The following DMBT1 variants were observed in gnomAD, a reference collection of about 807,000 sequenced individuals.
DMBT1 encodes the protein scavenger receptor cysteine-rich domain-containing protein DMBT1.
DMBT1 carries 198 observed loss-of-function variants against 252.9 expected under a neutral mutation model. That is an observed-to-expected ratio of 0.78 (90% CI 0.70 to 0.88). DMBT1 has a LOEUF of 0.88. Among genes scored for constraint, DMBT1 ranks in the 40% least tolerant of loss-of-function variants. DMBT1 has a pLI of 0.00. For synonymous variants in DMBT1, 990 were observed against 942.7 expected (o/e 1.05, Z -0.92); for missense variants, 2,432 against 2,404.7 (o/e 1.01, Z -0.24).
In DMBT1 at chr10:122,587,334, G is replaced by T. The variant is rs564354236; in HGVS notation, c.1783+951G>T. 1.6e-3 allele frequency among the ~76,000 whole-genome samples: 243 copies of T among 148,678 alleles called. 27 individuals carry two copies. Among genetic ancestry groups the T allele is most frequent in the Non-Finnish European group, 1.9e-3 (124 of 66,714 alleles). ...GGCATCAGACCGGAAACACAAGGCT[G>T]GGAGTGGAGATTCGTGACTGTCCAT... On this transcript the variant is annotated intron_variant, in intron 16 of 55. Coordinates refer to ENST00000338354, the MANE Select transcript of DMBT1 (RefSeq NM_001377530.1).
At chr10:122,625,223 C>CAGT in intron 44 of DMBT1, 54 bp from the exon 45 acceptor site, 1 of 1,572,820 alleles carries the variant, frequency 6.4e-7, no homozygotes, top group East Asian at 2.3e-5. Flanking sequence ...GCATTTCTCT[C>CAGT]GCTCATCATC....
intron 5 of DMBT1, among the ~76,000 whole-genome samples, 163 bp downstream of exon 5, chr10:122,572,524 G>C (rs559998687): frequency 3.9e-5 from 6 of 152,322 alleles, no homozygotes; most frequent in African/African-American, 1.4e-4. Flanking sequence ...GCAACTCTGA[G>C]TCCATATCAC....
chr10:122,588,075 C>G (rs760268063), intron 16 of DMBT1, among the ~76,000 whole-genome samples: 4 of 148,368 alleles, frequency 2.7e-5, no homozygotes, highest in African/African-American at 7.3e-5. Flanking sequence ...CCTTTTGGAG[C>G]TTTTCACCCT....
intron 1 of DMBT1, among the ~76,000 whole-genome samples, chr10:122,563,841 C>T (rs1565514932): frequency 6.6e-6 from 1 of 152,142 alleles, no homozygotes; most frequent in Admixed American, 6.6e-5. Flanking sequence ...AGTTCGACTG[C>T]CATGGGATTA....
rs1387838209 is a variant in DMBT1 at position 122,569,473 on chromosome 10, G to A, written c.92-689G>A. Among the ~76,000 whole-genome samples, 4 of 152,228 alleles carry A rather than the reference G, an allele frequency of 2.6e-5. 1 individual carries two copies. Among genetic ancestry groups the A allele is most frequent in the Admixed American group, 2.0e-4 (3 of 15,284 alleles). On this transcript the variant is annotated intron_variant, in intron 2 of 55. Coordinates refer to ENST00000338354, the MANE Select transcript of DMBT1 (RefSeq NM_001377530.1). ...CTTTGTTTGCGTAGTGCCAGGAAGT[G>A]TGTGGACACCAAGGGGTCCTTTAGT...
intron 45 of DMBT1, 28 bp downstream of exon 45, chr10:122,625,331 A>G: frequency 6.2e-7 from 1 of 1,602,538 alleles, no homozygotes; most frequent in Non-Finnish European, 8.5e-7. Context: ...CAGTCCAGCA[A>G]TATTTCTCTT....
At chr10:122,634,431 TCTCTC>T (rs1157330713) in intron 52 of DMBT1, among the ~76,000 whole-genome samples, 2 of 26,722 alleles carry the variant, frequency 7.5e-5, no homozygotes, top group East Asian at 1.6e-3. Flanking sequence ...CTCTCTCTCT[TCTCTC>T]TCTCTCTCTC....
chr10:122,564,102 C>T (rs2097570338), intron 1 of DMBT1, among the ~76,000 whole-genome samples: 1 of 152,152 alleles, frequency 6.6e-6, no homozygotes, highest in South Asian at 2.1e-4. Context: ...GATGCATAGC[C>T]ACATGGTTTC....
intron 3 of DMBT1, 144 bp downstream of exon 3, chr10:122,570,353 G>GGTGTTGTGC: frequency 2.7e-6 from 2 of 748,244 alleles, no homozygotes; most frequent in South Asian, 3.4e-5. Context: ...AGGCTACAAT[G>GGTGTTGTGC]CCTGGGGTGT....
At chr10:122,619,385 A>G in intron 42 of DMBT1, 48 bp downstream of exon 42, 1 of 1,612,440 alleles carries the variant, frequency 6.2e-7, no homozygotes, top group Non-Finnish European at 8.5e-7. Context: ...CTTTCTGCCC[A>G]GTTACCTCTT....
intron 1 of DMBT1, among the ~76,000 whole-genome samples, chr10:122,565,112 C>T (rs2097579355): frequency 6.6e-6 from 1 of 152,146 alleles, no homozygotes; most frequent in Non-Finnish European, 1.5e-5. Flanking sequence ...GTTCATCTTC[C>T]TTCTAGGCAA....
Position 122,632,895 on chromosome 10 carries a change from G to T in DMBT1, c.6397+5G>T, listed in dbSNP as rs572929159. 20 of 1,613,874 alleles carry T rather than the reference G, an allele frequency of 1.2e-5. No individual in the cohort carries two copies. Among genetic ancestry groups the T allele is most frequent in the African/African-American group, 9.3e-5 (7 of 75,024 alleles). On this transcript the variant is annotated splice_donor_5th_base_variant and intron_variant, in intron 51 of 55. Coordinates refer to ENST00000338354, the MANE Select transcript of DMBT1 (RefSeq NM_001377530.1). ...TCAACATCACCCGTCCAAACAGTAAGTTCTGAGCTCCCTGACAAGTCTGTG... is the reference window on the plus strand; with the variant it reads ...TCAACATCACCCGTCCAAACAGTAATTTCTGAGCTCCCTGACAAGTCTGTG...
chr10:122,570,756 G>A (rs2133523211), intron 3 of DMBT1, 134 bp from the exon 4 acceptor site: 2 of 1,105,200 alleles, frequency 1.8e-6, no homozygotes, highest in Non-Finnish European at 1.4e-6. Context: ...TTGGCACATG[G>A]TTGGCTTTTA....
In DMBT1 at chr10:122,618,000, C is replaced by G; in HGVS notation, c.4892-17C>G. The G allele has an allele frequency of 6.2e-7, 1 of 1,611,950 alleles. No individual in the cohort carries two copies. Among genetic ancestry groups the G allele is most frequent in the Non-Finnish European group, 8.5e-7 (1 of 1,179,660 alleles). ...TCCTGGTGGGGATGGATGAAGGGTT[C>G]TTGTGTTCCCCTGTAGGATCTGAAT... On this transcript the variant is annotated splice_polypyrimidine_tract_variant and intron_variant, in intron 40 of 55. Coordinates refer to ENST00000338354, the MANE Select transcript of DMBT1 (RefSeq NM_001377530.1).
intron 2 of DMBT1, among the ~76,000 whole-genome samples, chr10:122,568,753 C>G (rs568822491): frequency 1.3e-5 from 2 of 152,208 alleles, no homozygotes; most frequent in African/African-American, 4.8e-5. Context: ...CATGTCAGCC[C>G]TGGGCGGGGC....
chr10:122,642,565 G>A (rs1459269177), intron 55 of DMBT1, among the ~76,000 whole-genome samples: 1 of 152,176 alleles, frequency 6.6e-6, no homozygotes, highest in Non-Finnish European at 1.5e-5. Flanking sequence ...GCTCCTGGAG[G>A]GTTCGCAGGC....
rs760224499 is a variant in DMBT1 at position 122,640,270 on chromosome 10, C to T, written c.7173C>T (p.Ser2391=). Residue 2391 remains serine (S), a synonymous_variant, in exon 55 of 56, where the codon TCC becomes TCT. Coordinates refer to ENST00000338354, the MANE Select transcript of DMBT1 (RefSeq NM_001377530.1). ...ACGTGAACATTTCCTTTTATACTTC[C>T]TCATCTTTCTTGTATCCTGTGACCA... ...NFDVNISFYT[S]SSFLYPVTSR... The T allele has an allele frequency of 6.2e-7, 1 of 1,614,004 alleles. No individual in the cohort carries two copies. The highest frequency in any genetic ancestry group is 8.5e-7 in the Non-Finnish European group (1 of 1,179,902).
chr10:122,629,758 G>T, intron 46 of DMBT1, 82 bp from the exon 47 acceptor site: 1 of 1,495,496 alleles, frequency 6.7e-7, no homozygotes, highest in South Asian at 1.3e-5. Flanking sequence ...GATGAAACTG[G>T]ATGATACTTA....
intron 1 of DMBT1, among the ~76,000 whole-genome samples, chr10:122,562,871 G>C (rs2097560365): frequency 6.6e-6 from 1 of 152,218 alleles, no homozygotes; most frequent in South Asian, 2.1e-4. Context: ...CATTTCAGAT[G>C]GGGAAACTGA....
Sources: allele counts gnomAD v4.1 joint callset (sites outside exome capture counted in the v4.1 genomes callset), GRCh38; gene constraint gnomAD v4.1.1; transcripts MANE v1.5; gene names NCBI Gene and HGNC (gene_info 2026-07-23, HGNC 2026-07-21).